ZNF618: variants seen among roughly 807,000 people sequenced by gnomAD.
ZNF618 encodes the protein neural precursor cell expressed, developmentally down-regulated 10.
In ZNF618, 34 loss-of-function variants were observed where a neutral mutation model predicts 103.0. That is an observed-to-expected ratio of 0.33 (90% CI 0.25 to 0.44). ZNF618 has a LOEUF of 0.44. Among genes scored for constraint, ZNF618 ranks in the 20% least tolerant of loss-of-function variants. The probability of loss-of-function intolerance (pLI) is 1.00; values close to 1 mark genes in which losing one functional copy is unlikely to be tolerated. For synonymous variants in ZNF618, 551 were observed against 542.2 expected, an observed-to-expected ratio of 1.02 and a Z score of -0.23; for missense variants, 1,059 against 1,295.4, an observed-to-expected ratio of 0.82 and a Z score of 2.80.
chr9:114,042,529 T>C (rs1564340318), intron 13 of ZNF618, among the ~76,000 whole-genome samples: 1 of 151,794 alleles, frequency 6.6e-6, no homozygotes, highest in Admixed American at 6.6e-5. Flanking sequence ...AAAATAAAAT[T>C]AAAATTAAAA....
At chr9:113,914,059 C>A (rs1198480549) in intron 1 of ZNF618, among the ~76,000 whole-genome samples, 1 of 152,112 alleles carries the variant, frequency 6.6e-6, no homozygotes, top group South Asian at 2.1e-4. Context: ...CAACCTGGAC[C>A]ACCCTTTCCC....
chr9:113,985,550 A>G (rs1037084177), intron 2 of ZNF618, among the ~76,000 whole-genome samples: 10 of 150,164 alleles, frequency 6.7e-5, no homozygotes, highest in Non-Finnish European at 1.5e-4. Flanking sequence ...CTTGCTCATG[A>G]TATTATCCCC....
chr9:114,031,847 A>G (rs938021906), intron 11 of ZNF618, among the ~76,000 whole-genome samples: 2 of 151,008 alleles, frequency 1.3e-5, no homozygotes, highest in Non-Finnish European at 2.9e-5. Context: ...TCATGCCTAG[A>G]GCACCTTGGA....
At chr9:113,931,225 A>T (rs999784869) in intron 1 of ZNF618, among the ~76,000 whole-genome samples, 19 of 152,230 alleles carry the variant, frequency 1.2e-4, no homozygotes, top group Admixed American at 1.2e-3. Context: ...AGTGATAAGC[A>T]TGGAACACCT....
At chr9:113,963,361 G>A (rs905459405) in intron 1 of ZNF618, among the ~76,000 whole-genome samples, 19 of 152,310 alleles carry the variant, frequency 1.2e-4, no homozygotes, top group South Asian at 4.1e-4. Context: ...TTATGGTGTC[G>A]TATGTATTTG....
chr9:114,030,114 C>T lies in ZNF618; in HGVS notation c.1084+1142C>T, dbSNP rs138564539. Among the ~76,000 whole-genome samples the T allele has an allele frequency of 2.0e-3, 308 of 152,308 alleles. 1 individual carries two copies. The highest frequency in any genetic ancestry group is 7.1e-3 in the African/African-American group (295 of 41,556). On this transcript the variant is annotated intron_variant, in intron 11 of 14. Coordinates refer to ENST00000374126, the MANE Select transcript of ZNF618 (RefSeq NM_001318042.2). ...AGGTAAAGGATCCACTTGGTTCATT[C>T]GGTGACTGACAACCCAGCCGAGTGA...
At chr9:113,883,236 C>T (rs1359877204) in intron 1 of ZNF618, among the ~76,000 whole-genome samples, 1 of 152,164 alleles carries the variant, frequency 6.6e-6, no homozygotes, top group Admixed American at 6.5e-5. Context: ...GCCATGGCTC[C>T]CCTGGAATAA....
chr9:113,922,477 GTT>G (rs71367740), intron 1 of ZNF618, among the ~76,000 whole-genome samples: 6,605 of 132,638 alleles, frequency 0.05, 173 homozygotes, highest in African/African-American at 0.098. Flanking sequence ...GTTTTGGTTT[GTT>G]TTTTTTTTTT....
chr9:113,921,595 T>C (rs1462250910), intron 1 of ZNF618, among the ~76,000 whole-genome samples: 1 of 152,148 alleles, frequency 6.6e-6, no homozygotes, highest in South Asian at 2.1e-4. Context: ...GTCACTGAGC[T>C]TGGAACTGAC....
At chr9:113,886,744 T>C (rs1829104173) in intron 1 of ZNF618, among the ~76,000 whole-genome samples, 1 of 152,078 alleles carries the variant, frequency 6.6e-6, no homozygotes, top group Non-Finnish European at 1.5e-5. Context: ...ACAGATAGCA[T>C]CTAAGCCTGT....
At chr9:113,986,288 C>T (rs947127782) in intron 2 of ZNF618, among the ~76,000 whole-genome samples, 3 of 152,200 alleles carry the variant, frequency 2.0e-5, no homozygotes, top group Admixed American at 6.5e-5. Context: ...AAGTGGTTGG[C>T]GCGATAGCCC....
intron 1 of ZNF618, among the ~76,000 whole-genome samples, chr9:113,896,385 T>C (rs184378426): frequency 5.9e-5 from 9 of 152,196 alleles, no homozygotes; most frequent in Non-Finnish European, 1.0e-4. Flanking sequence ...AATTTAAATT[T>C]CTGTGTTACT....
chr9:114,049,294 G>T lies in ZNF618; in HGVS notation c.1992G>T (p.Leu664=). ...QARSMHEVIE[L]LNVCEDLAGS... is the part of the protein sequence containing the mutation. Reference sequence around the variant, plus strand: ...GCAGCATGCACGAGGTCATCGAGCTGCTCAACGTGTGCGAGGACCTGGCGG... The same window carrying T: ...GCAGCATGCACGAGGTCATCGAGCTTCTCAACGTGTGCGAGGACCTGGCGG... Residue 664 remains leucine, a synonymous_variant, in exon 15 of 15, where the codon CTG becomes CTT. Transcript: ENST00000374126. 1 of 1,612,138 alleles carries T rather than the reference G, an allele frequency of 6.2e-7. No homozygotes were observed. Among genetic ancestry groups the T allele is most frequent in the South Asian group, 1.1e-5 (1 of 91,056 alleles).
intron 1 of ZNF618, among the ~76,000 whole-genome samples, chr9:113,935,769 C>T (rs1833975486): frequency 6.6e-6 from 1 of 152,124 alleles, no homozygotes; most frequent in Admixed American, 6.5e-5. Context: ...CTGCACCCTG[C>T]CCTGTGCTGT....
At chr9:113,966,737 A>G (rs1463247413) in intron 1 of ZNF618, among the ~76,000 whole-genome samples, 2 of 152,114 alleles carry the variant, frequency 1.3e-5, no homozygotes, top group Non-Finnish European at 2.9e-5. Context: ...CCATATTCCA[A>G]TGAAGCAACT....
intron 10 of ZNF618, among the ~76,000 whole-genome samples, chr9:114,023,554 T>C (rs1197610504): frequency 6.6e-6 from 1 of 152,148 alleles, no homozygotes; most frequent in Non-Finnish European, 1.5e-5. Flanking sequence ...TTATTTTCCA[T>C]TTTGTTTGCT....
chr9:114,013,317 T>C (rs1383279953), intron 9 of ZNF618, among the ~76,000 whole-genome samples: 1 of 152,254 alleles, frequency 6.6e-6, no homozygotes, highest in East Asian at 1.9e-4. Flanking sequence ...TAAGAGGAAC[T>C]GTGAGTAGTA....
At position 114,000,512 on chromosome 9, in the gene ZNF618, C is replaced by CATTAGT. The variant is rs1554753379; in HGVS notation, c.434-1484_434-1483insATTAGT. Among the ~76,000 whole-genome samples the CATTAGT allele has an allele frequency of 7.9e-5, 12 of 151,366 alleles. No homozygotes were observed. The East Asian group carries it at 2.2e-3, about 27-fold the overall frequency. ...ATTTTTTTTTTAGCTCATTAGCCAT[C>CATTAGT]GTTAGTGTATTTTATGTGTGGCCCA... On this transcript the variant is annotated intron_variant, in intron 4 of 14. Coordinates refer to ENST00000374126, the MANE Select transcript of ZNF618 (RefSeq NM_001318042.2).
At chr9:114,014,054 ACTGT>A (rs1161398834) in intron 9 of ZNF618, among the ~76,000 whole-genome samples, 1 of 152,230 alleles carries the variant, frequency 6.6e-6, no homozygotes. Flanking sequence ...TATCTTATAT[ACTGT>A]CTAATTGTCT....
Sources: allele counts gnomAD v4.1 joint callset (sites outside exome capture counted in the v4.1 genomes callset), GRCh38; gene constraint gnomAD v4.1.1; transcripts MANE v1.5; gene names NCBI Gene and HGNC (gene_info 2026-07-23, HGNC 2026-07-21).